Variants in DNAI2 observed in about 807,000 individuals in gnomAD.
DNAI2 encodes dynein, axonemal, intermediate polypeptide 2.
A neutral mutation model predicts 74.7 loss-of-function variants in DNAI2; 63 were observed. The observed-to-expected ratio is 0.84, with a 90% CI of 0.69 to 1.04. DNAI2 has a LOEUF of 1.04. Among genes scored for constraint, DNAI2 ranks in the 50% least tolerant of loss-of-function variants. The pLI is 0.00. For synonymous variants in DNAI2, 289 were observed against 314.9 expected, an observed-to-expected ratio of 0.92 and a Z score of 0.87; for missense variants, 688 against 803.2, an observed-to-expected ratio of 0.86 and a Z score of 1.73.
chr17:74,305,178 G>A, intron 8 of DNAI2, 41 bp from the exon 9 acceptor site: 1 of 1,604,756 alleles, frequency 6.2e-7, no homozygotes, highest in Non-Finnish European at 8.5e-7. Flanking sequence ...CAGAATTGAT[G>A]GTTCGTGGAG....
At chr17:74,284,283 G>C (rs1245396114) in intron 2 of DNAI2, among the ~76,000 whole-genome samples, 1 of 151,826 alleles carries the variant, frequency 6.6e-6, no homozygotes, top group Non-Finnish European at 1.5e-5. Flanking sequence ...TGTCCTCCCT[G>C]CTAGAGAGGA....
chr17:74,289,515 T>C, intron 4 of DNAI2, 79 bp from the exon 5 acceptor site: 1 of 1,519,248 alleles, frequency 6.6e-7, no homozygotes, highest in South Asian at 1.1e-5. Flanking sequence ...CAAGACTCCA[T>C]CTGACAAAAA....
chr17:74,277,115 G>A (rs565686672), intron 1 of DNAI2, among the ~76,000 whole-genome samples: 82 of 152,298 alleles, frequency 5.4e-4, no homozygotes, highest in African/African-American at 1.7e-3. Flanking sequence ...GGCTGGGTGC[G>A]GTGGCTCATG....
At chr17:74,309,631 A>G in intron 10 of DNAI2, 1 of 702,190 alleles carries the variant, frequency 1.4e-6, no homozygotes, top group Non-Finnish European at 2.6e-6. Context: ...GGGGAAATTT[A>G]AAAAGAAACA....
At position 74,286,959 on chromosome 17, in the gene DNAI2, C is replaced by G. The variant is rs1403334853; in HGVS notation, c.346-18C>G. 1.2e-6 allele frequency: 2 copies of G among 1,613,692 alleles called. No individual in the cohort carries two copies. The highest frequency in any genetic ancestry group is 1.7e-6 in the Non-Finnish European group (2 of 1,179,716). ...GACCTCCATTTACTGCGGAGAACTTCCAATGTGTCCCCCCTAGATCATGGA... is the reference window on the plus strand; with the variant it reads ...GACCTCCATTTACTGCGGAGAACTTGCAATGTGTCCCCCCTAGATCATGGA... On this transcript the variant is annotated intron_variant, in intron 3 of 13. Transcript: ENST00000311014.
intron 12 of DNAI2, among the ~76,000 whole-genome samples, chr17:74,312,669 A>T (rs906546187): frequency 2.6e-5 from 4 of 152,216 alleles, no homozygotes; most frequent in African/African-American, 9.7e-5. Flanking sequence ...GTTTGGTGTC[A>T]GGAGTGTGAC....
chr17:74,296,320 AGAGAGAGAGAGAG>A (rs200862518), intron 6 of DNAI2, among the ~76,000 whole-genome samples: 26,121 of 100,728 alleles, frequency 0.26, 3,293 homozygotes, highest in Non-Finnish European at 0.38. Context: ...AAAGAGAGAG[AGAGAGAGAGAGAG>A]GAGAGAGAGA....
chr17:74,307,684 C>T (rs1175970261), intron 9 of DNAI2, among the ~76,000 whole-genome samples: 1 of 150,880 alleles, frequency 6.6e-6, no homozygotes, highest in African/African-American at 2.5e-5. Context: ...ATATTTGGCA[C>T]TTAGTTAAAT....
chr17:74,276,375 G>A (rs566297194), intron 1 of DNAI2, among the ~76,000 whole-genome samples: 19 of 152,160 alleles, frequency 1.2e-4, no homozygotes, highest in East Asian at 1.9e-4. Context: ...AGGTTCCCAC[G>A]GGGGGAGGAT....
At chr17:74,310,642 G>T (rs1242450613) in intron 11 of DNAI2, among the ~76,000 whole-genome samples, 2 of 151,764 alleles carry the variant, frequency 1.3e-5, no homozygotes, top group Admixed American at 6.6e-5. Context: ...AGGTTCAAGT[G>T]ATTCTCCTGC....
intron 6 of DNAI2, among the ~76,000 whole-genome samples, chr17:74,297,188 C>A (rs2052495259): frequency 6.6e-6 from 1 of 152,082 alleles, no homozygotes; most frequent in Non-Finnish European, 1.5e-5. Context: ...CAGGTTCATG[C>A]CATTCTCCTG....
At chr17:74,282,316 T>TG in intron 2 of DNAI2, among the ~76,000 whole-genome samples, 1 of 151,264 alleles carries the variant, frequency 6.6e-6, no homozygotes. Flanking sequence ...GGGAGACATT[T>TG]TTTTTTTAAA....
chr17:74,295,944 C>A (rs1598303579), intron 6 of DNAI2, among the ~76,000 whole-genome samples: 1 of 152,152 alleles, frequency 6.6e-6, no homozygotes, highest in East Asian at 1.9e-4. Context: ...TGTGAGCATG[C>A]CTTTACACTC....
intron 10 of DNAI2, 27 bp from the exon 11 acceptor site, chr17:74,309,990 C>T (rs1390165687): frequency 1.2e-6 from 2 of 1,613,382 alleles, no homozygotes; most frequent in African/African-American, 2.7e-5. Context: ...CTCTCCTCTA[C>T]CTGGGTCTGC....
chr17:74,296,857 C>T (rs374540771), intron 6 of DNAI2, among the ~76,000 whole-genome samples: 97 of 152,214 alleles, frequency 6.4e-4, no homozygotes, highest in African/African-American at 2.2e-3. Context: ...GCAGAGTGTG[C>T]GATCTTAACT....
intron 1 of DNAI2, among the ~76,000 whole-genome samples, chr17:74,277,516 T>C (rs1474902871): frequency 6.6e-6 from 1 of 152,152 alleles, no homozygotes; most frequent in Non-Finnish European, 1.5e-5. Flanking sequence ...ACAATGTATA[T>C]GGATGCAAAG....
chr17:74,279,655 G>T (rs181950703), intron 1 of DNAI2, among the ~76,000 whole-genome samples: 1 of 152,312 alleles, frequency 6.6e-6, no homozygotes, highest in Non-Finnish European at 1.5e-5. Context: ...AGCCTCCTGA[G>T]TAGCTGTGAT....
chr17:74,312,022 G>A lies in DNAI2; in HGVS notation c.1514G>A (p.Arg505Gln), dbSNP rs757238033. ...GCCCAGATGTTTGAGCGTGAGACCCGGCGAGAGAAGATCCTGGAGGCCAGG... is the reference window on the plus strand; with the variant it reads ...GCCCAGATGTTTGAGCGTGAGACCCAGCGAGAGAAGATCCTGGAGGCCAGG... The part of the protein sequence containing the change: ...VASSMFERET[R>Q]REKILEARHR... Residue 505 changes from arginine to glutamine, a missense_variant, in exon 12 of 14, where the codon CGG becomes CAG. Arg to Gln is a conservative substitution (Grantham distance 43). Transcript: ENST00000311014. The A allele has an allele frequency of 1.9e-5, 31 of 1,607,986 alleles. No homozygotes were observed. Among genetic ancestry groups the A allele is most frequent in the Non-Finnish European group, 2.3e-5 (27 of 1,177,732 alleles).
At chr17:74,292,631 G>A (rs1031048135) in intron 6 of DNAI2, among the ~76,000 whole-genome samples, 1 of 151,902 alleles carries the variant, frequency 6.6e-6, no homozygotes, top group South Asian at 2.1e-4. Context: ...TGCCCAGGCT[G>A]GTCTTAAACT....
Sources: gnomAD v4.1 joint callset for allele counts (sites outside exome capture counted in the v4.1 genomes callset) on GRCh38, gnomAD v4.1.1 for gene constraint, MANE v1.5 for transcripts, NCBI Gene and HGNC (gene_info 2026-07-23, HGNC 2026-07-21) for gene names.